The following SLC2A2 variants were observed in gnomAD, a reference collection of about 807,000 sequenced individuals.
SLC2A2 encodes solute carrier family 2, facilitated glucose transporter member 2.
Under a neutral mutation model 54.5 loss-of-function variants are expected in SLC2A2, and 36 were observed. That is an observed-to-expected ratio of 0.66 (90% CI 0.51 to 0.87). The LOEUF is 0.87. Ranked by LOEUF, SLC2A2 falls within the 40% of genes least tolerant of loss-of-function variation. The pLI is 0.00. For synonymous variants in SLC2A2, 223 were observed against 219.1 expected (o/e 1.02, Z -0.16); for missense variants, 543 against 624.3 (o/e 0.87, Z 1.39).
chr3:171,012,071 A>G (rs1715908297), intron 3 of SLC2A2, among the ~76,000 whole-genome samples: 1 of 152,160 alleles, frequency 6.6e-6, no homozygotes, highest in South Asian at 2.1e-4. Flanking sequence ...AATACTTCAG[A>G]TAGTATAGGC....
intron 2 of SLC2A2, 146 bp downstream of exon 2, chr3:171,018,385 T>G: frequency 1.4e-6 from 1 of 729,684 alleles, no homozygotes. Context: ...AGTTATCAGC[T>G]TTGGAACAGT....
chr3:171,026,105 T>C (rs1347945479), intron 1 of SLC2A2, among the ~76,000 whole-genome samples: 1 of 152,224 alleles, frequency 6.6e-6, no homozygotes, highest in Non-Finnish European at 1.5e-5. Flanking sequence ...ATACCATTAT[T>C]ATATCCAAGA....
At chr3:171,007,318 A>C (rs1314634182) in intron 4 of SLC2A2, 55 bp from the exon 5 acceptor site, 3 of 1,080,956 alleles carry the variant, frequency 2.8e-6, no homozygotes, top group Non-Finnish European at 2.8e-6. Flanking sequence ...TCTCAATAAT[A>C]ACAATTTGGT....
At chr3:171,002,022 T>A (rs2108238220) in intron 8 of SLC2A2, among the ~76,000 whole-genome samples, 1 of 152,070 alleles carries the variant, frequency 6.6e-6, no homozygotes, top group Admixed American at 6.6e-5. Context: ...AGCCACAACC[T>A]TGTGAACTAC....
chr3:171,025,855 T>G (rs1409831734), intron 1 of SLC2A2, among the ~76,000 whole-genome samples: 1 of 152,186 alleles, frequency 6.6e-6, no homozygotes, highest in Admixed American at 6.5e-5. Context: ...TTAAGTTTTT[T>G]TTTAAAGTAT....
intron 7 of SLC2A2, among the ~76,000 whole-genome samples, chr3:171,003,620 A>G (rs1715446779): frequency 6.6e-6 from 1 of 151,924 alleles, no homozygotes; most frequent in Non-Finnish European, 1.5e-5. Flanking sequence ...TGCTCACTCA[A>G]TATATATTTG....
intron 7 of SLC2A2, among the ~76,000 whole-genome samples, chr3:171,004,839 A>G (rs1715516026): frequency 6.6e-6 from 1 of 151,976 alleles, no homozygotes; most frequent in East Asian, 1.9e-4. Flanking sequence ...AAAATTTCTT[A>G]GATGGCAGGA....
At chr3:171,002,086 C>T (rs1471350845) in intron 8 of SLC2A2, among the ~76,000 whole-genome samples, 1 of 151,844 alleles carries the variant, frequency 6.6e-6, no homozygotes, top group Non-Finnish European at 1.5e-5. Flanking sequence ...TTTAACTTTG[C>T]TTAAAGGCTT....
At chr3:171,011,992 A>G in intron 3 of SLC2A2, among the ~76,000 whole-genome samples, 1 of 152,186 alleles carries the variant, frequency 6.6e-6, no homozygotes, top group South Asian at 2.1e-4. Flanking sequence ...TAAAAAATAC[A>G]TGAAATAGCT....
intron 7 of SLC2A2, among the ~76,000 whole-genome samples, chr3:171,003,483 T>C (rs1215352956): frequency 6.6e-6 from 1 of 151,800 alleles, no homozygotes; most frequent in Non-Finnish European, 1.5e-5. Flanking sequence ...TCTTTTTCCC[T>C]CCTTGTATTT....
chr3:171,006,442 C>T (rs1408117337), intron 5 of SLC2A2, among the ~76,000 whole-genome samples: 1 of 151,998 alleles, frequency 6.6e-6, no homozygotes, highest in Admixed American at 6.6e-5. Context: ...TCTAAAGCAA[C>T]ACATAGCTGT....
chr3:171,012,090 T>C (rs564282058), intron 3 of SLC2A2, among the ~76,000 whole-genome samples: 2 of 152,296 alleles, frequency 1.3e-5, no homozygotes, highest in Non-Finnish European at 2.9e-5. Context: ...GCTCGATTAT[T>C]GTCGTGGTCA....
intron 7 of SLC2A2, among the ~76,000 whole-genome samples, chr3:171,003,537 C>T (rs937543968): frequency 1.1e-4 from 16 of 151,790 alleles, no homozygotes; most frequent in African/African-American, 3.9e-4. Context: ...ATTAAACAGA[C>T]ATATAGTACC....
At chr3:171,006,642 C>T (rs1012213286) in intron 5 of SLC2A2, among the ~76,000 whole-genome samples, 3 of 151,956 alleles carry the variant, frequency 2.0e-5, no homozygotes, top group East Asian at 1.9e-4. Flanking sequence ...TCTGGATTGT[C>T]GTAGGTGTGG....
intron 1 of SLC2A2, among the ~76,000 whole-genome samples, chr3:171,020,490 G>A (rs1048980048): frequency 2.0e-5 from 3 of 152,040 alleles, no homozygotes; most frequent in Non-Finnish European, 4.4e-5. Flanking sequence ...TGAAAGAAAG[G>A]ACTTCAAAGT....
chr3:171,014,769 A>T (rs1560039999), intron 2 of SLC2A2, 38 bp from the exon 3 acceptor site: 1 of 1,559,408 alleles, frequency 6.4e-7, no homozygotes, highest in Non-Finnish European at 8.8e-7. Context: ...TATTTCAAAC[A>T]TTCTATGTAT....
At chr3:171,025,381 T>C (rs1471621407) in intron 1 of SLC2A2, among the ~76,000 whole-genome samples, 1 of 151,126 alleles carries the variant, frequency 6.6e-6, no homozygotes, top group African/African-American at 2.4e-5. Context: ...TTAATAATTA[T>C]ATAACTATTA....
At chr3:171,016,704 AG>A (rs1224414065) in intron 2 of SLC2A2, among the ~76,000 whole-genome samples, 1 of 152,164 alleles carries the variant, frequency 6.6e-6, no homozygotes, top group Admixed American at 6.5e-5. Flanking sequence ...TAAATACAAA[AG>A]GAAGGGCCTA....
chr3:170,998,440 G>T (rs1715198182), intron 9 of SLC2A2, 44 bp from the exon 10 acceptor site: 3 of 1,546,026 alleles, frequency 1.9e-6, no homozygotes, highest in Non-Finnish European at 2.7e-6. Flanking sequence ...AGATCATTTG[G>T]CTGCTTTTTC....
Sources: gnomAD v4.1 joint callset for allele counts (sites outside exome capture counted in the v4.1 genomes callset) on GRCh38, gnomAD v4.1.1 for gene constraint, MANE v1.5 for transcripts, NCBI Gene and HGNC (gene_info 2026-07-23, HGNC 2026-07-21) for gene names.